Variants in PHF20L1 observed in about 807,000 individuals in gnomAD.
The protein encoded by PHF20L1 is PHD finger protein 20-like protein 1.
Under a neutral mutation model 125.5 loss-of-function variants are expected in PHF20L1, and 44 were observed. That is an observed-to-expected ratio of 0.35 (90% CI 0.28 to 0.45). The LOEUF (loss-of-function observed/expected upper bound fraction) is 0.45. Among genes scored for constraint, PHF20L1 ranks in the 20% least tolerant of loss-of-function variants. PHF20L1 has a pLI of 1.00. For synonymous variants in PHF20L1, 380 were observed against 403.1 expected (o/e 0.94, Z 0.69); for missense variants, 1,012 against 1,217.2 (o/e 0.83, Z 2.51).
In PHF20L1 at chr8:132,786,989, G is replaced by C. The variant is rs118145053; in HGVS notation, c.84-7421G>C. Among the ~76,000 whole-genome samples the C allele has an allele frequency of 8.5e-5, 13 of 152,080 alleles. No homozygotes were observed. In the East Asian group the frequency reaches 2.5e-3, roughly 29 times the overall value. On this transcript the variant is annotated intron_variant, in intron 2 of 20. Transcript: ENST00000395386. ...GTAAAGTGCTAAATGTTAAGAAATA[G>C]AACTGGGTGATTGCAACCTGCTAGA...
At chr8:132,804,311 A>AT (rs941091993) in intron 7 of PHF20L1, among the ~76,000 whole-genome samples, 5 of 151,306 alleles carry the variant, frequency 3.3e-5, no homozygotes, top group South Asian at 4.2e-4. Flanking sequence ...TTTGTTTGAG[A>AT]TTTTTTCTTT....
At chr8:132,808,991 C>T (rs1182339269) in intron 8 of PHF20L1, 2 of 151,636 alleles carry the variant, frequency 1.3e-5, no homozygotes, top group African/African-American at 4.8e-5. Context: ...AAGCATGAGC[C>T]ACCGTGCCTA....
chr8:132,842,686 A>T lies in PHF20L1; in HGVS notation c.2559A>T (p.Glu853Asp). The part of the protein sequence containing the change: ...KEPPRLPLKM[E>D]GTYITSEHSY... ...CACCTCGTTTGCCCCTAAAAATGGAAGGAACTTATATAACAAGTGAGCATA... is the reference window on the plus strand; with the variant it reads ...CACCTCGTTTGCCCCTAAAAATGGATGGAACTTATATAACAAGTGAGCATA... The change falls in exon 19 of 21, where the codon GAA becomes GAT. Residue 853 changes from glutamate (E) to aspartate (D), a missense_variant. Glu to Asp is a conservative substitution (Grantham distance 45, BLOSUM62 2). Transcript: ENST00000395386. 1 of 1,613,348 alleles carries T rather than the reference A, an allele frequency of 6.2e-7. No homozygotes were observed. The highest frequency in any genetic ancestry group is 1.7e-4 in the Middle Eastern group (1 of 6,056).
intron 2 of PHF20L1, among the ~76,000 whole-genome samples, chr8:132,778,679 G>A (rs1830093369): frequency 6.6e-6 from 1 of 152,296 alleles, no homozygotes; most frequent in Non-Finnish European, 1.5e-5. Context: ...GGAATGAGGA[G>A]GATTCTCCTT....
intron 2 of PHF20L1, among the ~76,000 whole-genome samples, chr8:132,778,948 A>G (rs1830126212): frequency 6.6e-6 from 1 of 152,162 alleles, no homozygotes; most frequent in South Asian, 2.1e-4. Context: ...TTGTAGATTT[A>G]CTTTTGATTG....
intron 9 of PHF20L1, chr8:132,812,717 C>T (rs117571565): frequency 4.1e-6 from 4 of 983,816 alleles, no homozygotes; most frequent in East Asian, 1.1e-4. Flanking sequence ...GTTAAAAAGC[C>T]GAGTTATAAA....
At chr8:132,818,140 T>A (rs962025214) in intron 12 of PHF20L1, 1 of 152,038 alleles carries the variant, frequency 6.6e-6, no homozygotes, top group Non-Finnish European at 1.5e-5. Context: ...ACCAAGCTGA[T>A]ATTTTAAATC....
intron 6 of PHF20L1, chr8:132,803,611 A>G (rs1833346370): frequency 4.0e-6 from 2 of 505,150 alleles, no homozygotes; most frequent in Non-Finnish European, 7.0e-6. Flanking sequence ...TTCCTATTTT[A>G]TGAGAGGTTA....
intron 15 of PHF20L1, 144 bp downstream of exon 15, chr8:132,832,543 C>T (rs1262798104): frequency 1.8e-6 from 1 of 561,200 alleles, no homozygotes; most frequent in Non-Finnish European, 3.1e-6. Flanking sequence ...GAAATTTGAG[C>T]TACTTTTTAA....
At chr8:132,811,611 AAAG>A (rs1489865992) in intron 9 of PHF20L1, 3 of 983,000 alleles carry the variant, frequency 3.1e-6, no homozygotes, top group African/African-American at 1.7e-5. Context: ...AACTACAAAA[AAAG>A]AGAGTTTAAA....
At chr8:132,843,572 A>C (rs1477091452) in intron 19 of PHF20L1, 1 of 984,470 alleles carries the variant, frequency 1.0e-6, no homozygotes, top group Non-Finnish European at 1.2e-6. Flanking sequence ...CCCATGTGCA[A>C]AATGAGTTAT....
intron 1 of PHF20L1, among the ~76,000 whole-genome samples, chr8:132,776,816 G>A (rs951383987): frequency 3.9e-5 from 6 of 152,052 alleles, no homozygotes; most frequent in East Asian, 1.9e-4. Context: ...GACATTTTAC[G>A]GATCTCTCCT....
At chr8:132,813,769 T>G (rs1834646798) in intron 9 of PHF20L1, among the ~76,000 whole-genome samples, 1 of 151,984 alleles carries the variant, frequency 6.6e-6, no homozygotes, top group South Asian at 2.1e-4. Flanking sequence ...TTCTCTTGTT[T>G]TGAAAAATGG....
chr8:132,804,357 C>T (rs1205446907), intron 7 of PHF20L1, among the ~76,000 whole-genome samples: 1 of 151,576 alleles, frequency 6.6e-6, no homozygotes, highest in Non-Finnish European at 1.5e-5. Context: ...TTAAATGCTT[C>T]TGTGTATGCT....
Position 132,842,850 on chromosome 8 carries a change from C to G in PHF20L1, c.2723C>G (p.Ala908Gly). The G allele has an allele frequency of 6.2e-7, 1 of 1,609,270 alleles. No homozygotes were observed. Among genetic ancestry groups the G allele is most frequent in the Non-Finnish European group, 8.5e-7 (1 of 1,177,406 alleles). ...AGTAAAAACAGTTTACAGTACTCAGCAAAAGAACATGGAATGCCTGAAAAG... is the reference window on the plus strand; with the variant it reads ...AGTAAAAACAGTTTACAGTACTCAGGAAAAGAACATGGAATGCCTGAAAAG... The part of the protein sequence containing the change: ...MRSKNSLQYS[A>G]KEHGMPEKNP... The change falls in exon 19 of 21, where the codon GCA (alanine) becomes GGA (glycine). Residue 908 changes from alanine (A) to glycine (G), a missense_variant. By Grantham distance (60) the Ala-to-Gly change is moderately conservative. This residue lies in a region of PHF20L1 where 277 missense variants were observed against 283.6 expected (regional missense o/e 0.98). Transcript: ENST00000395386.
chr8:132,843,283 T>G (rs1838111773), intron 19 of PHF20L1: 2 of 985,040 alleles, frequency 2.0e-6, no homozygotes, highest in South Asian at 9.4e-5. Context: ...TTAAAAAATT[T>G]TAGCATGTTT....
rs905286190 is a variant in PHF20L1 at position 132,847,588 on chromosome 8, A to G, written c.*1665A>G. The G allele has an allele frequency of 6.6e-5, 10 of 152,606 alleles. No individual in the cohort carries two copies. The highest frequency in any genetic ancestry group is 2.4e-4 in the African/African-American group (10 of 41,466). The allele number at this position is 152,606 out of a possible 1,614,324, so 9.5% of individuals were successfully genotyped here. On this transcript the variant is annotated 3_prime_UTR_variant, in exon 21 of 21. Coordinates refer to ENST00000395386, the MANE Select transcript of PHF20L1 (RefSeq NM_016018.5). ...GTATTAAAACTATTCCACATATCCT[A>G]AAATTTCAGCTTGCCTTTTTGCGGC... is the stretch of plus-strand genomic sequence containing the variant.
At chr8:132,818,223 G>A (rs1301599419) in intron 12 of PHF20L1, 1 of 151,858 alleles carries the variant, frequency 6.6e-6, no homozygotes, top group Non-Finnish European at 1.5e-5. Flanking sequence ...ATTATAACCT[G>A]ATCTAGAATA....
In PHF20L1 at chr8:132,775,396, CCGG is replaced by C; in HGVS notation, c.-280_-278del. The C allele has an allele frequency of 2.6e-6, 1 of 379,814 alleles. No individual in the cohort carries two copies. Among genetic ancestry groups the C allele is most frequent in the Non-Finnish European group, 4.6e-6 (1 of 216,634 alleles). 23.5% of individuals were successfully genotyped at this position (379,814 alleles called of 1,614,324 possible). A position where few individuals can be genotyped will look rare whatever the true frequency, so the allele number is the denominator to read the frequency against. On this transcript the variant is annotated 5_prime_UTR_variant, in exon 1 of 21. Coordinates refer to ENST00000395386, the MANE Select transcript of PHF20L1 (RefSeq NM_016018.5). ...GGGCCCGGCGTCGCGTCAGGGCTGG[CCGG>C]CGGCGGAGGCGGCGGCGGCGGCGGC...
Sources: gnomAD v4.1 joint callset for allele counts (sites outside exome capture counted in the v4.1 genomes callset) on GRCh38, gnomAD v4.1.1 for gene constraint, gnomAD v4.1.1 regional missense constraint, MANE v1.5 for transcripts, NCBI Gene and HGNC (gene_info 2026-07-23, HGNC 2026-07-21) for gene names.